SV2C: variants seen among roughly 807,000 people sequenced by gnomAD.
The protein encoded by SV2C is solute carrier family 22 member B3.
Under a neutral mutation model 79.7 loss-of-function variants are expected in SV2C, and 49 were observed. The observed-to-expected ratio is 0.61, with a 90% confidence interval of 0.49 to 0.78. SV2C has a LOEUF of 0.78. Among genes scored for constraint, SV2C ranks in the 30% least tolerant of loss-of-function variants. The pLI is 0.00. For synonymous variants in SV2C, 334 were observed against 333.2 expected (o/e 1.00, Z -0.03); for missense variants, 833 against 912.9 (o/e 0.91, Z 1.13).
At chr5:76,002,970 C>G in the SV2C span, among the ~76,000 whole-genome samples, 6 of 151,958 alleles carry the variant, frequency 3.9e-5, no homozygotes, top group African/African-American at 1.5e-4. Context: ...ATAATCCCCA[C>G]GTGTCATGGG....
At chr5:75,870,630 T>C in the SV2C span, among the ~76,000 whole-genome samples, 1 of 151,992 alleles carries the variant, frequency 6.6e-6, no homozygotes, top group Admixed American at 6.6e-5. Flanking sequence ...TTCCCAAACA[T>C]AGAGAAAAAT....
chr5:76,311,698 T>C (rs992783408), intron 12 of SV2C, among the ~76,000 whole-genome samples: 5 of 152,168 alleles, frequency 3.3e-5, no homozygotes, highest in South Asian at 4.1e-4. Flanking sequence ...ACATGAAATA[T>C]GAATGTGACA....
chr5:76,004,991 T>C, the SV2C span, among the ~76,000 whole-genome samples: 11 of 152,328 alleles, frequency 7.2e-5, no homozygotes, highest in South Asian at 1.0e-3. Flanking sequence ...AATCTCATGA[T>C]ATATCAACCA....
the SV2C span, among the ~76,000 whole-genome samples, chr5:76,062,205 C>T: frequency 6.6e-6 from 1 of 152,000 alleles, no homozygotes. Context: ...TTTGTGTCCC[C>T]TCCAAAGTTC....
chr5:76,026,201 A>ACACAC, the SV2C span, among the ~76,000 whole-genome samples: 6 of 140,034 alleles, frequency 4.3e-5, no homozygotes, highest in Admixed American at 3.6e-4. Flanking sequence ...CAAATTTACA[A>ACACAC]ACACACACAC....
intron 4 of SV2C, among the ~76,000 whole-genome samples, chr5:76,230,969 A>G (rs567888763): frequency 8.5e-4 from 129 of 152,352 alleles, no homozygotes; most frequent in African/African-American, 3.0e-3. Context: ...TAATTCTAAC[A>G]TAACATCCTG....
the SV2C span, among the ~76,000 whole-genome samples, chr5:75,869,125 G>A: frequency 2.0e-5 from 3 of 152,046 alleles, no homozygotes; most frequent in Admixed American, 2.0e-4. Flanking sequence ...GGCTCTTGGG[G>A]TCCCTGATTC....
At chr5:76,034,418 A>G in the SV2C span, among the ~76,000 whole-genome samples, 3 of 152,228 alleles carry the variant, frequency 2.0e-5, no homozygotes, top group Non-Finnish European at 2.9e-5. Flanking sequence ...TTTGAGATAC[A>G]TCCCATCAAT....
intron 2 of SV2C, among the ~76,000 whole-genome samples, chr5:76,150,126 A>G (rs1329329186): frequency 6.6e-6 from 1 of 152,084 alleles, no homozygotes; most frequent in African/African-American, 2.4e-5. Context: ...AAACATGCAC[A>G]CTCAAATGAA....
At chr5:76,315,020 C>T (rs1040639407) in intron 12 of SV2C, among the ~76,000 whole-genome samples, 1 of 152,240 alleles carries the variant, frequency 6.6e-6, no homozygotes, top group East Asian at 1.9e-4. Context: ...CAGTCAAAAG[C>T]CCCTTATGGT....
chr5:75,908,945 A>T, the SV2C span, among the ~76,000 whole-genome samples: 1 of 152,218 alleles, frequency 6.6e-6, no homozygotes, highest in Non-Finnish European at 1.5e-5. Flanking sequence ...TTCAGTGTTA[A>T]TGATTCCTAT....
At chr5:76,250,414 G>T (rs899130958) in intron 4 of SV2C, among the ~76,000 whole-genome samples, 3 of 152,144 alleles carry the variant, frequency 2.0e-5, no homozygotes. Flanking sequence ...GTTTATTGTT[G>T]TTGCTGTCAT....
intron 12 of SV2C, among the ~76,000 whole-genome samples, chr5:76,309,907 G>T (rs1401284289): frequency 6.6e-6 from 1 of 152,136 alleles, no homozygotes; most frequent in Non-Finnish European, 1.5e-5. Flanking sequence ...CTGGGCTGTG[G>T]TCAAGAAGGT....
chr5:76,201,176 ATCTG>A (rs1744430816), intron 3 of SV2C, among the ~76,000 whole-genome samples: 1 of 152,212 alleles, frequency 6.6e-6, no homozygotes, highest in African/African-American at 2.4e-5. Context: ...CCAATTACTC[ATCTG>A]TCTATCACTT....
chr5:75,902,602 C>A, the SV2C span, among the ~76,000 whole-genome samples: 4 of 152,138 alleles, frequency 2.6e-5, no homozygotes, highest in Non-Finnish European at 5.9e-5. Context: ...TCTATTTTGC[C>A]TCTGATAATT....
chr5:75,961,800 G>A, the SV2C span, among the ~76,000 whole-genome samples: 1 of 151,966 alleles, frequency 6.6e-6, no homozygotes, highest in Admixed American at 6.6e-5. Context: ...ATTAAAAAAT[G>A]CTTCTCAACT....
chr5:76,002,164 G>T, the SV2C span, among the ~76,000 whole-genome samples: 1 of 64,566 alleles, frequency 1.5e-5, no homozygotes, highest in Admixed American at 1.6e-4. Context: ...ATTCCATTTT[G>T]TGTGTGTATA....
chr5:75,924,206 A>G, the SV2C span, among the ~76,000 whole-genome samples: 5 of 152,166 alleles, frequency 3.3e-5, no homozygotes, highest in African/African-American at 4.8e-5. Context: ...GAGCTAAACT[A>G]TGAGGATACA....
chr5:76,352,897 A>G (rs1749668920), intron 12 of SV2C, among the ~76,000 whole-genome samples: 1 of 151,354 alleles, frequency 6.6e-6, no homozygotes, highest in African/African-American at 2.4e-5. Context: ...AAACAGTCTT[A>G]TAGAATCTAA....
Sources: gnomAD v4.1 joint callset for allele counts (sites outside exome capture counted in the v4.1 genomes callset) on GRCh38, gnomAD v4.1.1 for gene constraint, MANE v1.5 for transcripts, NCBI Gene and HGNC (gene_info 2026-07-23, HGNC 2026-07-21) for gene names.